The following EGR2 variants were observed in gnomAD, a reference collection of about 807,000 sequenced individuals.
The protein encoded by EGR2 is E3 SUMO-protein ligase EGR2.
Under a neutral mutation model 21.2 loss-of-function variants are expected in EGR2, and 2 were observed. The observed-to-expected ratio is 0.09, with a 90% CI of 0.04 to 0.30. The LOEUF (loss-of-function observed/expected upper bound fraction) is 0.30, where lower values mean the gene tolerates loss of function less well. Among genes scored for constraint, EGR2 ranks in the 10% least tolerant of loss-of-function variants. The probability of loss-of-function intolerance (pLI) is 1.00; values close to 1 mark genes in which losing one functional copy is unlikely to be tolerated. For missense variants in EGR2, 458 were observed against 630.2 expected (o/e 0.73, Z 2.93); for synonymous variants, 282 against 258.2 (o/e 1.09, Z -0.88).
chr10:62,813,525 C>T lies in EGR2; in HGVS notation c.1113G>A (p.Gln371=), dbSNP rs760879900. Residue 371 remains glutamine, a synonymous_variant, in exon 2 of 2, where the codon CAG becomes CAA. Coordinates refer to ENST00000242480, the MANE Select transcript of EGR2 (RefSeq NM_000399.5). The surrounding 1 kb of genome is among the most constrained non-coding windows in gnomAD (Gnocchi z 5.7). ...IRIHTGHKPF[Q]CRICMRNFSR... is the part of the protein sequence containing the mutation. ...TGAAGTTGCGCATGCAGATCCGACA[C>T]TGGAAGGGCTTATGCCCAGTGTGGA... The T allele has an allele frequency of 1.2e-6, 2 of 1,613,838 alleles. No individual in the cohort carries two copies. The highest frequency in any genetic ancestry group is 1.7e-6 in the Non-Finnish European group (2 of 1,180,028).
Position 62,814,009 on chromosome 10 carries a change from G to A in EGR2, c.629C>T (p.Ser210Phe). Reference protein sequence around the residue: ...LAYPPPPSYPSPKPATDPGLF... With the variant: ...LAYPPPPSYPFPKPATDPGLF... ...ACCTGGGTCCGTGGCTGGCTTGGGG[G>A]ATGGATAGGAAGGAGGTGGTGGGTA... The change falls in exon 2 of 2, where the codon TCC becomes TTC. Residue 210 changes from serine to phenylalanine, a missense_variant. By Grantham distance (155) the Ser-to-Phe change is radical (BLOSUM62 -2). Around this residue, in one of 5 missense-constraint regions of EGR2, gnomAD observed 253 missense variants for 315.5 expected, o/e 0.80. Coordinates refer to ENST00000242480, the MANE Select transcript of EGR2 (RefSeq NM_000399.5). The surrounding 1 kb of genome is among the most constrained non-coding windows in gnomAD (Gnocchi z 4.8). 6.2e-7 allele frequency: 1 copy of A among 1,614,216 alleles called. No homozygotes were observed. The highest frequency in any genetic ancestry group is 1.1e-5 in the South Asian group (1 of 91,082).
At chr10:62,817,659 T>C (rs1039224831), upstream of EGR2, among the ~76,000 whole-genome samples, 1 of 152,154 alleles carries the variant, frequency 6.6e-6, no homozygotes, top group Non-Finnish European at 1.5e-5. The surrounding 1 kb of genome is among the most constrained non-coding windows in gnomAD (Gnocchi z 4.4). Flanking sequence ...CGGTCCTCAG[T>C]GACGGCCGAA....
chr10:62,813,710 A>G lies in EGR2; in HGVS notation c.928T>C (p.Tyr310His). The change falls in exon 2 of 2, where the codon TAT becomes CAT. Residue 310 changes from tyrosine to histidine, a missense_variant. Coordinates refer to ENST00000242480, the MANE Select transcript of EGR2 (RefSeq NM_000399.5). This position sits in a 1 kb window ranked among gnomAD's most constrained non-coding sequence, Gnocchi z 5.7. ...CGCAGTGGCAGGTGGTGTGGGTTAT[A>G]GGCGGCGGCGGCGGCGGCTGCTGCT... is the stretch of plus-strand genomic sequence containing the variant. The part of the protein sequence containing the change: ...AAAAAAAAAA[Y>H]NPHHLPLRPI... 1 of 1,611,984 alleles carries G rather than the reference A, an allele frequency of 6.2e-7. No individual in the cohort carries two copies. Among genetic ancestry groups the G allele is most frequent in the Non-Finnish European group, 8.5e-7 (1 of 1,179,440 alleles).
In EGR2 at chr10:62,814,387, G is replaced by C; in HGVS notation, c.251C>G (p.Ala84Gly). Residue 84 changes from alanine to glycine, a missense_variant, in exon 2 of 2, where the codon GCA becomes GGA. Physicochemically the swap from Ala to Gly is moderately conservative, Grantham distance 60 (BLOSUM62 0). Transcript: ENST00000242480. The surrounding 1 kb of genome is among the most constrained non-coding windows in gnomAD (Gnocchi z 4.8). Reference sequence around the variant, plus strand: ...GTAAGTGAAGGTCTGGTTTCTAGGTGCAGAGACGGGAGCAAAGCTGCTGGG... The same window carrying C: ...GTAAGTGAAGGTCTGGTTTCTAGGTCCAGAGACGGGAGCAAAGCTGCTGGG... ...PYPSSFAPVS[A>G]PRNQTFTYMG... 1 of 1,614,160 alleles carries C rather than the reference G, an allele frequency of 6.2e-7. No homozygotes were observed. Among genetic ancestry groups the C allele is most frequent in the Non-Finnish European group, 8.5e-7 (1 of 1,180,018 alleles).
chr10:62,813,702 T>C lies in EGR2; in HGVS notation c.936A>G (p.Pro312=). The C allele has an allele frequency of 6.2e-7, 1 of 1,612,958 alleles. No individual in the cohort carries two copies. Among genetic ancestry groups the C allele is most frequent in the Non-Finnish European group, 8.5e-7 (1 of 1,179,880 alleles). The change falls in exon 2 of 2, where the codon CCA becomes CCG. Residue 312 remains proline (P), a synonymous_variant. Transcript: ENST00000242480. The surrounding 1 kb of genome is among the most constrained non-coding windows in gnomAD (Gnocchi z 5.7). ...AAAAAAAAYN[P]HHLPLRPILR... is the part of the protein sequence containing the mutation. ...GAATGGGCCGCAGTGGCAGGTGGTG[T>C]GGGTTATAGGCGGCGGCGGCGGCGG... is the stretch of plus-strand genomic sequence containing the variant.
In EGR2 at chr10:62,813,262, C is replaced by T; in HGVS notation, c.1376G>A (p.Ser459Asn). 1.3e-6 allele frequency: 2 copies of T among 1,566,102 alleles called. No individual in the cohort carries two copies. Among genetic ancestry groups the T allele is most frequent in the Non-Finnish European group, 1.7e-6 (2 of 1,156,552 alleles). ...GGCGAGCGGCCCTCCGCCAAGACTG[C>T]TGCTGTTACTGCTGCACAGGGTACC... ...PGGTLCSSNS[S>N]SLGGGPLAPC... is the part of the protein sequence containing the mutation. The change falls in exon 2 of 2, where the codon AGC becomes AAC. Residue 459 changes from serine (S) to asparagine (N), a missense_variant. Physicochemically the swap from Ser to Asn is conservative, Grantham distance 46 (BLOSUM62 1). Coordinates refer to ENST00000242480, the MANE Select transcript of EGR2 (RefSeq NM_000399.5). The surrounding 1 kb of genome is among the most constrained non-coding windows in gnomAD (Gnocchi z 5.7).
chr10:62,815,381 C>T (rs929770702), intron 1 of EGR2, among the ~76,000 whole-genome samples: 13 of 152,220 alleles, frequency 8.5e-5, no homozygotes, highest in Non-Finnish European at 1.5e-4. Context: ...AAGAAGGGAG[C>T]GCTCCGAGAT....
In EGR2 at chr10:62,816,213, G is replaced by GT. The variant is rs1842264568; in HGVS notation, c.-185dup. ...AAATAAAAGTAGCAAACAAGTTGCT[G>GT]TTTTTTAAGAAATAAGAAAAATGTC... On this transcript the variant is annotated 5_prime_UTR_variant, in exon 1 of 2. Coordinates refer to ENST00000242480, the MANE Select transcript of EGR2 (RefSeq NM_000399.5). The GT allele has an allele frequency of 1.3e-6, 2 of 1,483,486 alleles. No individual in the cohort carries two copies. Among genetic ancestry groups the GT allele is most frequent in the Non-Finnish European group, 8.9e-7 (1 of 1,120,560 alleles). 91.9% of individuals were successfully genotyped at this position (1,483,486 alleles called of 1,614,324 possible).
Position 62,815,848 on chromosome 10 carries a change from A to ACACG in EGR2, c.169+9_169+12dup. The ACACG allele has an allele frequency of 6.2e-7, 1 of 1,613,832 alleles. No individual in the cohort carries two copies. The highest frequency in any genetic ancestry group is 8.5e-7 in the Non-Finnish European group (1 of 1,179,828). ...GCCGCGCAGGTCCGGGCCTGCGAAG[A>ACACG]CACGCGGCTTACCTCCGGCCACTCC... On this transcript the variant is annotated intron_variant, in intron 1 of 1. Coordinates refer to ENST00000242480, the MANE Select transcript of EGR2 (RefSeq NM_000399.5).
intron 1 of EGR2, 82 bp downstream of exon 1, chr10:62,815,779 C>T: frequency 6.5e-7 from 1 of 1,539,590 alleles, no homozygotes; most frequent in South Asian, 1.1e-5. Context: ...CAATCCTCTC[C>T]TGCGATTCCC....
upstream of EGR2, chr10:62,818,505 GA>G (rs1564710543): frequency 1.0e-5 from 12 of 1,154,152 alleles, no homozygotes; most frequent in South Asian, 7.1e-5. Context: ...AAGAAAGAAA[GA>G]AAAGAAAAGC....
chr10:62,816,207 G>A lies in EGR2; in HGVS notation c.-178C>T. On this transcript the variant is annotated 5_prime_UTR_variant, in exon 1 of 2. Coordinates refer to ENST00000242480, the MANE Select transcript of EGR2 (RefSeq NM_000399.5). ...CAACAGAAATAAAAGTAGCAAACAA[G>A]TTGCTGTTTTTTAAGAAATAAGAAA... The A allele has an allele frequency of 6.7e-7, 1 of 1,494,852 alleles. No individual in the cohort carries two copies. Among genetic ancestry groups the A allele is most frequent in the East Asian group, 2.5e-5 (1 of 40,664 alleles). The allele number at this position is 1,494,852 out of a possible 1,614,324, so 92.6% of individuals were successfully genotyped here.
In EGR2 at chr10:62,813,285, A is replaced by C; in HGVS notation, c.1353T>G (p.Gly451=). ...ASCSGGVQPG[G]TLCSSNSSSL... Reference sequence around the variant, plus strand: ...TGCTGCTGTTACTGCTGCACAGGGTACCCCCAGGCTGCACGCCCCCAGAGC... The same window carrying C: ...TGCTGCTGTTACTGCTGCACAGGGTCCCCCCAGGCTGCACGCCCCCAGAGC... Residue 451 remains glycine, a synonymous_variant, in exon 2 of 2, where the codon GGT becomes GGG. Transcript: ENST00000242480. The surrounding 1 kb of genome is among the most constrained non-coding windows in gnomAD (Gnocchi z 5.7). 1 of 1,570,932 alleles carries C rather than the reference A, an allele frequency of 6.4e-7. No homozygotes were observed. Among genetic ancestry groups the C allele is most frequent in the Non-Finnish European group, 8.6e-7 (1 of 1,156,854 alleles).
intron 1 of EGR2, among the ~76,000 whole-genome samples, chr10:62,815,631 G>T (rs1306562538): frequency 1.3e-5 from 2 of 152,204 alleles, no homozygotes; most frequent in African/African-American, 2.4e-5. Context: ...GGCTGGGCGC[G>T]CCGGGGCGCA....
chr10:62,813,090 C>T lies in EGR2; in HGVS notation c.*117G>A. On this transcript the variant is annotated 3_prime_UTR_variant, in exon 2 of 2. Transcript: ENST00000242480. This position sits in a 1 kb window ranked among gnomAD's most constrained non-coding sequence, Gnocchi z 5.7. Reference sequence around the variant, plus strand: ...GGGCAGTGCTAGCTCCACCAAAGCCCTTTGCCCAACAAAGGGAGAGAGGGA... The same window carrying T: ...GGGCAGTGCTAGCTCCACCAAAGCCTTTTGCCCAACAAAGGGAGAGAGGGA... 8.2e-7 allele frequency: 1 copy of T among 1,223,886 alleles called. No homozygotes were observed. Among genetic ancestry groups the T allele is most frequent in the Non-Finnish European group, 1.1e-6 (1 of 887,510 alleles). 75.8% of individuals were successfully genotyped at this position (1,223,886 alleles called of 1,614,324 possible). A position where few individuals can be genotyped will look rare whatever the true frequency, so the allele number is the denominator to read the frequency against.
At position 62,814,200 on chromosome 10, in the gene EGR2, T is replaced by C; in HGVS notation, c.438A>G (p.Thr146=). 3 of 1,614,126 alleles carry C rather than the reference T, an allele frequency of 1.9e-6. No homozygotes were observed. Among genetic ancestry groups the C allele is most frequent in the Non-Finnish European group, 2.5e-6 (3 of 1,180,002 alleles). Reference sequence around the variant, plus strand: ...ACATGGTGCACACACCCAGGGGTCCTGTGGCCAGTGGGTTGGGGGAGGCAG... The same window carrying C: ...ACATGGTGCACACACCCAGGGGTCCCGTGGCCAGTGGGTTGGGGGAGGCAG... ...VTSASPNPLA[T]GPLGVCTMSQ... Residue 146 remains threonine (T), a synonymous_variant, in exon 2 of 2, where the codon ACA becomes ACG. Transcript: ENST00000242480. The surrounding 1 kb of genome is among the most constrained non-coding windows in gnomAD (Gnocchi z 4.8).
In EGR2 at chr10:62,813,705, G is replaced by C. The variant is rs1842179322; in HGVS notation, c.933C>G (p.Asn311Lys). 4.3e-6 allele frequency: 7 copies of C among 1,612,792 alleles called. No homozygotes were observed. The highest frequency in any genetic ancestry group is 5.9e-6 in the Non-Finnish European group (7 of 1,179,828). Residue 311 changes from asparagine to lysine, a missense_variant, in exon 2 of 2, where the codon AAC becomes AAG. Asn to Lys is a moderately conservative substitution (Grantham distance 94). Around this residue, in one of 5 missense-constraint regions of EGR2, gnomAD observed 253 missense variants for 315.5 expected, o/e 0.80. Coordinates refer to ENST00000242480, the MANE Select transcript of EGR2 (RefSeq NM_000399.5). This position sits in a 1 kb window ranked among gnomAD's most constrained non-coding sequence, Gnocchi z 5.7. Reference protein sequence around the residue: ...AAAAAAAAAYNPHHLPLRPIL... With the variant: ...AAAAAAAAAYKPHHLPLRPIL... ...TGGGCCGCAGTGGCAGGTGGTGTGG[G>C]TTATAGGCGGCGGCGGCGGCGGCTG...
chr10:62,812,948 G>C lies in EGR2; in HGVS notation c.*259C>G. 1 of 393,984 alleles carries C rather than the reference G, an allele frequency of 2.5e-6. No individual in the cohort carries two copies. The highest frequency in any genetic ancestry group is 4.5e-6 in the Non-Finnish European group (1 of 221,828). The allele number at this position is 393,984 out of a possible 1,614,324, so 24.4% of individuals were successfully genotyped here. On this transcript the variant is annotated 3_prime_UTR_variant, in exon 2 of 2. Transcript: ENST00000242480. Reference sequence around the variant, plus strand: ...GTCAGACCTCAGCCCTCTTGGCCAGGGGTCCCCACACCACCTCCTTCTGAG... The same window carrying C: ...GTCAGACCTCAGCCCTCTTGGCCAGCGGTCCCCACACCACCTCCTTCTGAG...
chr10:62,815,643 G>A (rs1482855026), intron 1 of EGR2, among the ~76,000 whole-genome samples: 1 of 152,208 alleles, frequency 6.6e-6, no homozygotes, highest in African/African-American at 2.4e-5. Context: ...CGGGGCGCAC[G>A]CACGCCGGTT....
Sources: gnomAD v4.1 joint callset for allele counts (sites outside exome capture counted in the v4.1 genomes callset) on GRCh38, gnomAD v4.1.1 for gene constraint, gnomAD v4.1.1 regional missense constraint, Gnocchi (gnomAD v3.1) non-coding constraint, MANE v1.5 for transcripts, NCBI Gene and HGNC (gene_info 2026-07-23, HGNC 2026-07-21) for gene names.